ENPP6: variants seen among roughly 807,000 people sequenced by gnomAD.
The protein encoded by ENPP6 is ectonucleotide pyrophosphatase/phosphodiesterase 6, also known as glycerophosphocholine cholinephosphodiesterase ENPP6.
ENPP6 carries 32 observed loss-of-function variants against 42.0 expected under a neutral mutation model. That is an observed-to-expected ratio of 0.76 (90% CI 0.58 to 1.02). ENPP6 has a LOEUF of 1.02. ENPP6 is among the 50% of genes least tolerant of loss of function. The probability of loss-of-function intolerance (pLI) is 0.00; values close to 1 mark genes in which losing one functional copy is unlikely to be tolerated. For missense variants in ENPP6, 552 were observed against 566.8 expected, an observed-to-expected ratio of 0.97 and a Z score of 0.27; for synonymous variants, 213 against 216.0, an observed-to-expected ratio of 0.99 and a Z score of 0.12.
At chr4:184,137,861 T>G (rs377356794) in intron 2 of ENPP6, among the ~76,000 whole-genome samples, 5 of 152,218 alleles carry the variant, frequency 3.3e-5, no homozygotes, top group African/African-American at 1.2e-4. Flanking sequence ...AGCATTTGAC[T>G]GAAGGAGAGA....
intron 6 of ENPP6, among the ~76,000 whole-genome samples, chr4:184,111,261 G>A: frequency 6.6e-6 from 1 of 152,206 alleles, no homozygotes; most frequent in East Asian, 1.9e-4. Flanking sequence ...GATGGCTGTG[G>A]ATTAACCTTC....
chr4:184,147,790 G>T (rs958063076), intron 2 of ENPP6, among the ~76,000 whole-genome samples: 1 of 101,312 alleles, frequency 9.9e-6, no homozygotes. Context: ...AACAGAGAAA[G>T]ACCCTGTTTC....
intron 2 of ENPP6, among the ~76,000 whole-genome samples, chr4:184,124,908 C>T (rs1736476842): frequency 6.6e-6 from 1 of 152,152 alleles, no homozygotes; most frequent in Non-Finnish European, 1.5e-5. Context: ...GACTCCTGGA[C>T]AAGTAGAAGT....
chr4:184,112,697 GCCACT>G lies in ENPP6; in HGVS notation c.963_967del (p.Leu321PhefsTer2). 6.2e-7 allele frequency: 1 copy of G among 1,614,032 alleles called. No homozygotes were observed. Among genetic ancestry groups the G allele is most frequent in the South Asian group, 1.1e-5 (1 of 91,038 alleles). ...CTCAGTTATGAACCAGCCTTCATCA[GCCACT>G]AAAGTCAAAGGAGAGACAAACTTTC... On this transcript the variant is annotated frameshift_variant, in exon 6 of 8. Coordinates refer to ENST00000296741, the MANE Select transcript of ENPP6 (RefSeq NM_153343.4). LOFTEE classifies it high-confidence loss of function.
intron 6 of ENPP6, among the ~76,000 whole-genome samples, chr4:184,101,889 C>A (rs1026233012): frequency 6.6e-6 from 1 of 152,138 alleles, no homozygotes. Context: ...AGAAACAAGT[C>A]GCCCCACACC....
intron 6 of ENPP6, among the ~76,000 whole-genome samples, chr4:184,104,711 C>T (rs1206506124): frequency 6.6e-6 from 1 of 152,248 alleles, no homozygotes; most frequent in East Asian, 1.9e-4. Context: ...CTGGTTTACA[C>T]ACCAACCAAG....
intron 2 of ENPP6, among the ~76,000 whole-genome samples, 179 bp downstream of exon 2, chr4:184,153,375 C>T (rs1310317188): frequency 2.6e-5 from 4 of 152,134 alleles, no homozygotes; most frequent in Non-Finnish European, 4.4e-5. Context: ...CCACCCACCT[C>T]GGCCTCCCAA....
chr4:184,128,195 T>A (rs4388129), intron 2 of ENPP6, among the ~76,000 whole-genome samples: 103,116 of 152,148 alleles, frequency 0.68, 35,260 homozygotes, highest in African/African-American at 0.73. Flanking sequence ...TTCTACTTTT[T>A]TTTGAGGCAG....
Position 184,217,650 on chromosome 4 carries a change from C to A in ENPP6, c.170G>T (p.Gly57Val), listed in dbSNP as rs370111167. The A allele has an allele frequency of 6.2e-7, 1 of 1,614,108 alleles. No homozygotes were observed. Among genetic ancestry groups the A allele is most frequent in the Admixed American group, 1.7e-5 (1 of 60,014 alleles). Residue 57 changes from glycine to valine, a missense_variant, in exon 1 of 8, where the codon GGA becomes GTA. Physicochemically the swap from Gly to Val is moderately radical, Grantham distance 109. Coordinates refer to ENST00000296741, the MANE Select transcript of ENPP6 (RefSeq NM_153343.4). Reference protein sequence around the residue: ...LPGFKEIVSRGVKVDYLTPDF... With the variant: ...LPGFKEIVSRVVKVDYLTPDF... The stretch of plus-strand genomic sequence containing the variant: ...TGGAGTCAAGTAATCCACTTTTACT[C>A]CCCTGCTCACAATCTCTTTGAAACC...
intron 1 of ENPP6, among the ~76,000 whole-genome samples, chr4:184,174,473 A>G (rs1737528733): frequency 6.6e-6 from 1 of 152,170 alleles, no homozygotes; most frequent in Non-Finnish European, 1.5e-5. Flanking sequence ...ATAACCAATG[A>G]CAGCCTTGTA....
intron 1 of ENPP6, among the ~76,000 whole-genome samples, chr4:184,168,202 A>C (rs1737390002): frequency 6.6e-6 from 1 of 152,118 alleles, no homozygotes; most frequent in African/African-American, 2.4e-5. Flanking sequence ...CCTCTGAAAA[A>C]TGGAGATAAT....
chr4:184,211,897 A>G lies in ENPP6; in HGVS notation c.241+5682T>C, dbSNP rs1733119506. 5.3e-5 allele frequency among the ~76,000 whole-genome samples: 8 copies of G among 150,464 alleles called. No individual in the cohort carries two copies. In the South Asian group the frequency reaches 1.5e-3, roughly 28 times the overall value. On this transcript the variant is annotated intron_variant, in intron 1 of 7. Coordinates refer to ENST00000296741, the MANE Select transcript of ENPP6 (RefSeq NM_153343.4). ...TCAAAAAGCTTATCCACCATGATCA[A>G]GTGGGCTTCATCCCTGGGATGCAAG...
At chr4:184,174,135 CT>C (rs36058407) in intron 1 of ENPP6, among the ~76,000 whole-genome samples, 63,647 of 130,834 alleles carry the variant, frequency 0.49, 15,189 homozygotes, top group East Asian at 0.63. Context: ...GTCCCAAATC[CT>C]TTTTTTTTTT....
At chr4:184,172,389 G>C (rs1259393539) in intron 1 of ENPP6, among the ~76,000 whole-genome samples, 1 of 152,138 alleles carries the variant, frequency 6.6e-6, no homozygotes, top group Non-Finnish European at 1.5e-5. Context: ...CCACCCTCTA[G>C]CTAGCAGTCA....
chr4:184,197,858 G>C (rs1360369421), intron 1 of ENPP6, among the ~76,000 whole-genome samples: 1 of 152,218 alleles, frequency 6.6e-6, no homozygotes, highest in Admixed American at 6.5e-5. Context: ...AGCTGCAGGG[G>C]AATGGGCCAG....
intron 1 of ENPP6, among the ~76,000 whole-genome samples, chr4:184,175,178 C>T (rs566136460): frequency 3.9e-5 from 6 of 152,250 alleles, no homozygotes; most frequent in South Asian, 4.2e-4. Flanking sequence ...TCTCCTCCGC[C>T]GCCCGGAACT....
chr4:184,215,322 G>T (rs1579672147), intron 1 of ENPP6, among the ~76,000 whole-genome samples: 1 of 152,188 alleles, frequency 6.6e-6, no homozygotes. Flanking sequence ...TAGCAATTTT[G>T]TTGGTTCATA....
At chr4:184,189,253 A>C (rs1732682025) in intron 1 of ENPP6, among the ~76,000 whole-genome samples, 1 of 152,214 alleles carries the variant, frequency 6.6e-6, no homozygotes, top group South Asian at 2.1e-4. Flanking sequence ...TGTTGAAACC[A>C]GAGGGGATGG....
At position 184,117,006 on chromosome 4, in the gene ENPP6, G is replaced by A. The variant is rs767828535; in HGVS notation, c.705C>T (p.Val235=). Residue 235 remains valine, a synonymous_variant, in exon 5 of 8, where the codon GTC becomes GTT. Coordinates refer to ENST00000296741, the MANE Select transcript of ENPP6 (RefSeq NM_153343.4). ...TCATTCCGTGATCCGAGAAAATAAT[G>A]ACGTTCAGGCGGTCCTGCAGGCCCC... ...QERGLQDRLN[V]IIFSDHGMTD... 8.1e-6 allele frequency: 13 copies of A among 1,614,102 alleles called. No homozygotes were observed. The highest frequency in any genetic ancestry group is 5.9e-6 in the Non-Finnish European group (7 of 1,180,056).
Sources: allele counts gnomAD v4.1 joint callset (sites outside exome capture counted in the v4.1 genomes callset), GRCh38; gene constraint gnomAD v4.1.1; transcripts MANE v1.5; gene names NCBI Gene and HGNC (gene_info 2026-07-23, HGNC 2026-07-21).